Variants in CCDC7 observed in about 807,000 individuals in gnomAD.
CCDC7 encodes the protein coiled-coil domain containing 7, also known as coiled-coil domain-containing protein 7.
A neutral mutation model predicts 196.9 loss-of-function variants in CCDC7; 183 were observed. The ratio of observed to expected loss-of-function variants is 0.93; its 90% CI spans 0.82 to 1.05. The LOEUF is 1.05. Ranked by LOEUF, CCDC7 falls within the 50% of genes least tolerant of loss-of-function variation. The probability of loss-of-function intolerance (pLI) is 0.00; values close to 1 mark genes in which losing one functional copy is unlikely to be tolerated. For missense variants in CCDC7, 1,540 were observed against 1,482.2 expected, an observed-to-expected ratio of 1.04 and a Z score of -0.64; for synonymous variants, 525 against 484.6, an observed-to-expected ratio of 1.08 and a Z score of -1.10.
chr10:32,667,682 T>A (rs2140568075), intron 21 of CCDC7, among the ~76,000 whole-genome samples: 1 of 152,298 alleles, frequency 6.6e-6, no homozygotes, highest in Non-Finnish European at 1.5e-5. Context: ...TGGTTGTAGA[T>A]GTGTGGTATT....
chr10:32,729,004 A>T lies in CCDC7; in HGVS notation c.2779+7A>T, dbSNP rs1379748861. 2 of 1,519,638 alleles carry T rather than the reference A, an allele frequency of 1.3e-6. No homozygotes were observed. The highest frequency in any genetic ancestry group is 1.8e-6 in the Non-Finnish European group (2 of 1,101,098). The allele number at this position is 1,519,638 out of a possible 1,614,324, so 94.1% of individuals were successfully genotyped here. ...GGAGTGGAAAGACACAAGAGTGAGT[A>T]TAATAATTATCGATAACTTTAAATT... is the stretch of plus-strand genomic sequence containing the variant. On this transcript the variant is annotated splice_region_variant and intron_variant, in intron 27 of 41. Transcript: ENST00000639629.
chr10:32,708,138 A>G (rs1229541863), intron 24 of CCDC7, among the ~76,000 whole-genome samples: 1 of 152,172 alleles, frequency 6.6e-6, no homozygotes, highest in Non-Finnish European at 1.5e-5. Flanking sequence ...AGACCAATGG[A>G]AAAGAATAGA....
chr10:32,864,842 A>G (rs2094144647), intron 41 of CCDC7, among the ~76,000 whole-genome samples: 1 of 151,938 alleles, frequency 6.6e-6, no homozygotes, highest in Non-Finnish European at 1.5e-5. Context: ...TGATATCAAA[A>G]GAGAAGTAAA....
At chr10:32,878,512 C>A (rs2094673383), downstream of CCDC7, among the ~76,000 whole-genome samples, 1 of 152,108 alleles carries the variant, frequency 6.6e-6, no homozygotes, top group South Asian at 2.1e-4. Context: ...TAATATTGAG[C>A]AGGGGATGCC....
intron 16 of CCDC7, among the ~76,000 whole-genome samples, chr10:32,580,679 AGT>A (rs1435011842): frequency 2.0e-5 from 3 of 152,072 alleles, no homozygotes; most frequent in African/African-American, 7.2e-5. Context: ...ATATTTTATT[AGT>A]ATTTTATTGA....
chr10:32,604,007 C>A (rs1201187316), intron 18 of CCDC7, among the ~76,000 whole-genome samples: 1 of 152,002 alleles, frequency 6.6e-6, no homozygotes, highest in Non-Finnish European at 1.5e-5. Context: ...GTGATCACGG[C>A]CATAAAATTT....
At chr10:32,571,202 T>C (rs1210053675) in intron 15 of CCDC7, among the ~76,000 whole-genome samples, 1 of 151,930 alleles carries the variant, frequency 6.6e-6, no homozygotes, top group Non-Finnish European at 1.5e-5. Context: ...AGAGAGGGGG[T>C]TTCACCATGT....
intron 9 of CCDC7, chr10:32,513,485 A>G (rs1236030241): frequency 1.3e-5 from 2 of 152,116 alleles, no homozygotes. Flanking sequence ...TTCTCAATTC[A>G]TTCTATGAGA....
intron 13 of CCDC7, among the ~76,000 whole-genome samples, chr10:32,545,379 G>A (rs570701977): frequency 6.6e-6 from 1 of 152,278 alleles, no homozygotes; most frequent in East Asian, 1.9e-4. Context: ...AATTAAGAAT[G>A]TACTAGTTAA....
intron 21 of CCDC7, among the ~76,000 whole-genome samples, chr10:32,666,790 G>A (rs2072858618): frequency 6.6e-6 from 1 of 152,016 alleles, no homozygotes; most frequent in Non-Finnish European, 1.5e-5. Context: ...GGACATTTGG[G>A]TTGGTTCCAA....
chr10:32,575,874 T>C (rs2058128929), intron 16 of CCDC7, among the ~76,000 whole-genome samples: 1 of 152,146 alleles, frequency 6.6e-6, no homozygotes, highest in Non-Finnish European at 1.5e-5. Flanking sequence ...TCCTTAGTAT[T>C]GTCTGGGAGA....
intron 2 of CCDC7, among the ~76,000 whole-genome samples, chr10:32,455,532 G>A (rs1319726031): frequency 1.3e-5 from 2 of 152,050 alleles, no homozygotes; most frequent in African/African-American, 4.8e-5. Context: ...GGCCAGGCTG[G>A]TCTTGAACTC....
intron 32 of CCDC7, among the ~76,000 whole-genome samples, chr10:32,828,461 A>AGAGGAAGAG (rs199758697): frequency 1.4e-5 from 1 of 70,732 alleles, no homozygotes; most frequent in African/African-American, 4.1e-5. Context: ...AAGAAGAAGA[A>AGAGGAAGAG]GAAGAGGAAG....
intron 9 of CCDC7, among the ~76,000 whole-genome samples, chr10:32,510,919 GATGTGCCT>G (rs1309737921): frequency 6.6e-6 from 1 of 151,084 alleles, no homozygotes; most frequent in Non-Finnish European, 1.5e-5. Flanking sequence ...AGTGAAAACA[GATGTGCCT>G]ATAATTTCAG....
At chr10:32,699,205 T>TC (rs1195660314) in intron 24 of CCDC7, among the ~76,000 whole-genome samples, 1 of 75,120 alleles carries the variant, frequency 1.3e-5, no homozygotes, top group Non-Finnish European at 2.4e-5. Context: ...CCCTCCCCCC[T>TC]CCCCCCACCC....
At chr10:32,491,772 T>C in intron 8 of CCDC7, 150 bp from the exon 10 acceptor site, 1 of 549,106 alleles carries the variant, frequency 1.8e-6, no homozygotes. Context: ...GCTATTCTCC[T>C]CATAAGCATT....
At chr10:32,571,825 G>T in intron 15 of CCDC7, 34 bp from the exon 17 acceptor site, 2 of 1,514,118 alleles carry the variant, frequency 1.3e-6, no homozygotes, top group Non-Finnish European at 1.8e-6. Context: ...ATGCATACTT[G>T]ATATTTTTAA....
chr10:32,848,627 C>G, exon 39 of CCDC7: 3 of 1,508,458 alleles, frequency 2.0e-6, no homozygotes, highest in Non-Finnish European at 2.8e-6. Context: ...AAGATATGTC[C>G]GTACAACGTC....
At chr10:32,505,059 A>G (rs2044673684) in intron 9 of CCDC7, among the ~76,000 whole-genome samples, 2 of 152,162 alleles carry the variant, frequency 1.3e-5, no homozygotes, top group African/African-American at 4.8e-5. Context: ...AGATCTATTA[A>G]TAGTTGCTGT....
Sources: gnomAD v4.1 joint callset for allele counts (sites outside exome capture counted in the v4.1 genomes callset) on GRCh38, gnomAD v4.1.1 for gene constraint, MANE v1.5 for transcripts, NCBI Gene and HGNC (gene_info 2026-07-23, HGNC 2026-07-21) for gene names.